The following TBC1D16 variants were observed in gnomAD, a reference collection of about 807,000 sequenced individuals.
TBC1D16 encodes TBC1 domain family member 16, also known as CTD-2529O21.1.
TBC1D16 carries 58 observed loss-of-function variants against 74.7 expected under a neutral mutation model. The observed-to-expected ratio is 0.78, with a 90% CI of 0.63 to 0.97. TBC1D16 has a LOEUF of 0.97. Among genes scored for constraint, TBC1D16 ranks in the 50% least tolerant of loss-of-function variants. The pLI is 0.00. For synonymous variants in TBC1D16, 493 were observed against 474.7 expected (o/e 1.04, Z -0.50); for missense variants, 1,014 against 1,079.5 (o/e 0.94, Z 0.85).
In TBC1D16 at chr17:79,977,121, C is replaced by T. The variant is rs116401862; in HGVS notation, c.780-24303G>A. Among the ~76,000 whole-genome samples the T allele has an allele frequency of 5.1e-3, 772 of 152,336 alleles. 9 individuals are homozygous for T. The highest frequency in any genetic ancestry group is 0.017 in the African/African-American group (707 of 41,562). On this transcript the variant is annotated intron_variant, in intron 3 of 11. Transcript: ENST00000310924. ...TTCAGTGATCCGTCCACCAGAATAT[C>T]CTACTTTGCCTGGGTCATTTCACGC...
chr17:79,999,946 C>A (rs1037971729), intron 3 of TBC1D16, among the ~76,000 whole-genome samples: 8 of 152,126 alleles, frequency 5.3e-5, no homozygotes, highest in African/African-American at 1.9e-4. Flanking sequence ...GGACTCCTGA[C>A]CAGACTCACT....
chr17:80,016,681 G>A (rs1279267700), intron 1 of TBC1D16, among the ~76,000 whole-genome samples: 2 of 152,150 alleles, frequency 1.3e-5, no homozygotes, highest in Non-Finnish European at 2.9e-5. Flanking sequence ...GCAGGGGGCA[G>A]ATGTCAGTGG....
In TBC1D16 at chr17:79,932,898, A is replaced by G. The variant is rs2031343406; in HGVS notation, c.*7961T>C. 1 of 152,154 alleles carries G rather than the reference A, an allele frequency of 6.6e-6. No homozygotes were observed. Among genetic ancestry groups the G allele is most frequent in the African/African-American group, 2.4e-5 (1 of 41,424 alleles). The allele number at this position is 152,154 out of a possible 1,614,324, so 9.4% of individuals were successfully genotyped here. ...TCATTCTAATGACTCAAAACATAAA[A>G]TCCCCTCTTTTGTCTCATGTTGAAG... On this transcript the variant is annotated 3_prime_UTR_variant, in exon 12 of 12. Coordinates refer to ENST00000310924, the MANE Select transcript of TBC1D16 (RefSeq NM_019020.4).
rs183003958 is a variant in TBC1D16, at chr17:79,969,546, T to C, written c.780-16728A>G. ...ATTCCATGGTGATGGGAATATAAAA[T>C]GGAGCAGCCAATTGTGGAAAACAGT... On this transcript the variant is annotated intron_variant, in intron 3 of 11. Transcript: ENST00000310924. Among the ~76,000 whole-genome samples the C allele has an allele frequency of 3.0e-3, 453 of 152,294 alleles. 2 individuals carry two copies. The highest frequency in any genetic ancestry group is 9.0e-3 in the African/African-American group (374 of 41,546).
At position 79,932,978 on chromosome 17, in the gene TBC1D16, A is replaced by C. The variant is rs1461026398; in HGVS notation, c.*7881T>G. On this transcript the variant is annotated 3_prime_UTR_variant, in exon 12 of 12. Coordinates refer to ENST00000310924, the MANE Select transcript of TBC1D16 (RefSeq NM_019020.4). ...ACTTATTTTCCTAGTCAGAGACTGA[A>C]TGGCATATTTTCAAAGCACTTCGTC... 1 of 152,208 alleles carries C rather than the reference A, an allele frequency of 6.6e-6. No individual in the cohort carries two copies. The highest frequency in any genetic ancestry group is 1.5e-5 in the Non-Finnish European group (1 of 68,050). The allele number at this position is 152,208 out of a possible 1,614,324, so 9.4% of individuals were successfully genotyped here. A position where few individuals can be genotyped will look rare whatever the true frequency, so the allele number is the denominator to read the frequency against.
At chr17:80,033,438 T>TCATG (rs201679716) in intron 1 of TBC1D16, among the ~76,000 whole-genome samples, 2,263 of 151,978 alleles carry the variant, frequency 0.015, 52 homozygotes, top group African/African-American at 0.052. Context: ...CAGAGGCTGG[T>TCATG]CATGGCTCAC....
At chr17:80,034,761 GAA>G (rs2036897967) in intron 1 of TBC1D16, among the ~76,000 whole-genome samples, 1 of 152,184 alleles carries the variant, frequency 6.6e-6, no homozygotes, top group Non-Finnish European at 1.5e-5. Context: ...GCATGGATTT[GAA>G]AAAGTGTTCT....
At chr17:80,023,283 T>C (rs952389050) in intron 1 of TBC1D16, among the ~76,000 whole-genome samples, 3 of 149,898 alleles carry the variant, frequency 2.0e-5, no homozygotes, top group African/African-American at 7.6e-5. Flanking sequence ...GCTGCTCCCC[T>C]CCCCTTTATG....
In TBC1D16 at chr17:79,944,165, T is replaced by C. The variant is rs2032300976; in HGVS notation, c.1908+743A>G. On this transcript the variant is annotated intron_variant, in intron 10 of 11. Transcript: ENST00000310924. The surrounding 1 kb of genome is among the most constrained non-coding windows in gnomAD (Gnocchi z 7.7). ...GCAAATGTCTTCCAGCAGATGGGTG[T>C]TTGCCTCCATCTTCAGGGTTCTCTG... 5 of 1,533,588 alleles carry C rather than the reference T, an allele frequency of 3.3e-6. No homozygotes were observed. The East Asian group carries it at 1.2e-4, about 38-fold the overall frequency. The allele number at this position is 1,533,588 out of a possible 1,614,324, so 95.0% of individuals were successfully genotyped here.
At chr17:80,016,916 A>C (rs930665368) in intron 1 of TBC1D16, among the ~76,000 whole-genome samples, 1 of 151,816 alleles carries the variant, frequency 6.6e-6, no homozygotes, top group Non-Finnish European at 1.5e-5. Context: ...CATCACCCCC[A>C]TCTCCCCATC....
rs931767813 is a variant in TBC1D16 at position 80,001,537 on chromosome 17, G to A, written c.779+8623C>T. Among the ~76,000 whole-genome samples, 21 of 152,216 alleles carry A rather than the reference G, an allele frequency of 1.4e-4. No homozygotes were observed. In the East Asian group the frequency reaches 2.9e-3, roughly 21 times the overall value. On this transcript the variant is annotated intron_variant, in intron 3 of 11. Coordinates refer to ENST00000310924, the MANE Select transcript of TBC1D16 (RefSeq NM_019020.4). The surrounding 1 kb of genome is among the most constrained non-coding windows in gnomAD (Gnocchi z 5.8). ...GGAGCATCCTCAGGGGGCGGCGGGC[G>A]CTCTCGGGGTATCCCCGGGCGCCCT...
chr17:79,999,509 C>T lies in TBC1D16; in HGVS notation c.779+10651G>A, dbSNP rs547565427. 5.1e-4 allele frequency among the ~76,000 whole-genome samples: 76 copies of T among 150,218 alleles called. 2 individuals carry two copies. In the East Asian group the frequency reaches 0.014, roughly 28 times the overall value. On this transcript the variant is annotated intron_variant, in intron 3 of 11. Coordinates refer to ENST00000310924, the MANE Select transcript of TBC1D16 (RefSeq NM_019020.4). Reference sequence around the variant, plus strand: ...GAGGGATCAAAGATCACAAATATTTCCCTTCTGCCTTTCCCCCAAATTTCT... The same window carrying T: ...GAGGGATCAAAGATCACAAATATTTTCCTTCTGCCTTTCCCCCAAATTTCT...
intron 1 of TBC1D16, among the ~76,000 whole-genome samples, chr17:80,025,600 C>G (rs1568650853): frequency 6.7e-6 from 1 of 148,412 alleles, no homozygotes; most frequent in African/African-American, 2.6e-5. Context: ...GGAGCACCTC[C>G]TTGCTGGAAG....
intron 1 of TBC1D16, among the ~76,000 whole-genome samples, chr17:80,015,903 T>C (rs984145363): frequency 2.0e-5 from 3 of 149,192 alleles, no homozygotes; most frequent in Admixed American, 6.8e-5. Flanking sequence ...CCCAGCTACA[T>C]GGGAGGCTGA....
rs967745954 is a variant in TBC1D16, at chr17:79,990,163, C to G, written c.779+19997G>C. 7.2e-5 allele frequency among the ~76,000 whole-genome samples: 11 copies of G among 152,228 alleles called. No homozygotes were observed. The highest frequency in any genetic ancestry group is 2.4e-4 in the African/African-American group (10 of 41,452). The stretch of plus-strand genomic sequence containing the variant: ...TGAACCAGCTTTCAGAGTCTAACGA[C>G]TAGATTTGACTTTCAGCTGCTCGGA... On this transcript the variant is annotated intron_variant, in intron 3 of 11. Transcript: ENST00000310924. The surrounding 1 kb of genome is among the most constrained non-coding windows in gnomAD (Gnocchi z 4.8).
intron 3 of TBC1D16, among the ~76,000 whole-genome samples, chr17:79,974,392 C>G (rs2034244819): frequency 6.6e-6 from 1 of 152,142 alleles, no homozygotes; most frequent in African/African-American, 2.4e-5. Context: ...ACATACACCA[C>G]CACGCCTGGC....
Position 79,988,824 on chromosome 17 carries a change from C to T in TBC1D16, c.779+21336G>A, listed in dbSNP as rs1234273075. ...CCGCTAAGCATGGTGCTGTGTAGCC[C>T]GGCCAGCCCCGTGGAAGTCCTCAGC... is the stretch of plus-strand genomic sequence containing the variant. On this transcript the variant is annotated intron_variant, in intron 3 of 11. Coordinates refer to ENST00000310924, the MANE Select transcript of TBC1D16 (RefSeq NM_019020.4). The surrounding 1 kb of genome is among the most constrained non-coding windows in gnomAD (Gnocchi z 5.7). Among the ~76,000 whole-genome samples, 1 of 152,150 alleles carries T rather than the reference C, an allele frequency of 6.6e-6. No individual in the cohort carries two copies. Among genetic ancestry groups the T allele is most frequent in the Non-Finnish European group, 1.5e-5 (1 of 68,026 alleles).
intron 3 of TBC1D16, among the ~76,000 whole-genome samples, chr17:79,984,560 A>AAGAAAGAG (rs141654166): frequency 0.62 from 81,661 of 132,282 alleles, 25,088 homozygotes; most frequent in Admixed American, 0.69. Context: ...AAAAGAAAGA[A>AAGAAAGAG]AGAGAGAGAG....
rs182978297 is a variant in TBC1D16 at position 80,006,501 on chromosome 17, C to T, written c.779+3659G>A. Among the ~76,000 whole-genome samples the T allele has an allele frequency of 1.6e-4, 25 of 152,184 alleles. 1 individual carries two copies. The highest frequency in any genetic ancestry group is 7.7e-4 in the East Asian group (4 of 5,162). ...CTCCAGTCCCATCATACGAAGGCCC[C>T]GGGGGATGGGGATGGGGCAAGGAGC... On this transcript the variant is annotated intron_variant, in intron 3 of 11. Coordinates refer to ENST00000310924, the MANE Select transcript of TBC1D16 (RefSeq NM_019020.4).
Sources: gnomAD v4.1 joint callset for allele counts (sites outside exome capture counted in the v4.1 genomes callset) on GRCh38, gnomAD v4.1.1 for gene constraint, Gnocchi (gnomAD v3.1) non-coding constraint, MANE v1.5 for transcripts, NCBI Gene and HGNC (gene_info 2026-07-23, HGNC 2026-07-21) for gene names.